Variants in BCAT1 observed in about 807,000 individuals in gnomAD.
BCAT1 encodes branched chain amino acid transaminase 1.
BCAT1 carries 48 observed loss-of-function variants against 52.4 expected under a neutral mutation model. The ratio of observed to expected loss-of-function variants is 0.92; its 90% confidence interval spans 0.73 to 1.16. The LOEUF (loss-of-function observed/expected upper bound fraction) is 1.16, where lower values mean the gene tolerates loss of function less well. BCAT1 is among the 50% of genes most tolerant of loss of function. BCAT1 has a pLI of 0.00. For synonymous variants in BCAT1, 167 were observed against 161.3 expected, an observed-to-expected ratio of 1.04 and a Z score of -0.27; for missense variants, 451 against 457.1, an observed-to-expected ratio of 0.99 and a Z score of 0.12.
At chr12:24,845,349 AC>A (rs1339694041) in intron 6 of BCAT1, among the ~76,000 whole-genome samples, 3 of 152,258 alleles carry the variant, frequency 2.0e-5, no homozygotes, top group East Asian at 1.9e-4. Context: ...TATTAAAAAA[AC>A]AATAAAATAA....
intron 8 of BCAT1, among the ~76,000 whole-genome samples, chr12:24,833,557 C>A (rs1940781504): frequency 6.6e-6 from 1 of 151,866 alleles, no homozygotes; most frequent in East Asian, 1.9e-4. Context: ...TGTCTTAAAA[C>A]CTACTTTACC....
chr12:24,875,554 A>C (rs1434918508), intron 5 of BCAT1, among the ~76,000 whole-genome samples: 1 of 152,220 alleles, frequency 6.6e-6, no homozygotes, highest in Non-Finnish European at 1.5e-5. Flanking sequence ...CAAGTACATA[A>C]GTTGATAGAG....
intron 1 of BCAT1, among the ~76,000 whole-genome samples, chr12:24,938,769 C>T (rs1943805729): frequency 1.3e-5 from 2 of 152,068 alleles, no homozygotes; most frequent in African/African-American, 2.4e-5. Context: ...CCCAATAAAG[C>T]CTTTCCTAAT....
intron 1 of BCAT1, among the ~76,000 whole-genome samples, chr12:24,937,448 A>G (rs1453179423): frequency 6.6e-6 from 1 of 152,222 alleles, no homozygotes; most frequent in Non-Finnish European, 1.5e-5. Flanking sequence ...TTTATTCAAA[A>G]CATAACAGGA....
At chr12:24,861,169 T>C (rs971754523) in intron 5 of BCAT1, among the ~76,000 whole-genome samples, 2 of 152,222 alleles carry the variant, frequency 1.3e-5, no homozygotes, top group African/African-American at 4.8e-5. Flanking sequence ...GCCATTTAGA[T>C]TGACCCTGTT....
chr12:24,868,622 G>A (rs988441653), intron 5 of BCAT1, among the ~76,000 whole-genome samples: 4 of 152,018 alleles, frequency 2.6e-5, no homozygotes, highest in African/African-American at 9.7e-5. Context: ...TATGTTACTT[G>A]ATAACAAAGT....
chr12:24,920,503 A>G (rs1332336448), intron 1 of BCAT1, among the ~76,000 whole-genome samples: 2 of 152,088 alleles, frequency 1.3e-5, no homozygotes, highest in African/African-American at 4.8e-5. Flanking sequence ...TTCTACCACT[A>G]TACTAAGAGG....
chr12:24,922,545 AG>A (rs1207355242), intron 1 of BCAT1, among the ~76,000 whole-genome samples: 1 of 152,230 alleles, frequency 6.6e-6, no homozygotes, highest in African/African-American at 2.4e-5. Flanking sequence ...GTTGATTCAC[AG>A]GACTCAATAC....
At chr12:24,827,219 A>G (rs1175247144) in intron 10 of BCAT1, among the ~76,000 whole-genome samples, 1 of 151,948 alleles carries the variant, frequency 6.6e-6, no homozygotes, top group Non-Finnish European at 1.5e-5. Flanking sequence ...TTTTTGTTCT[A>G]TTTGTGTTCT....
Position 24,817,763 on chromosome 12 carries a change from CT to C in BCAT1, c.*244del. On this transcript the variant is annotated 3_prime_UTR_variant, in exon 11 of 11. Coordinates refer to ENST00000261192, the MANE Select transcript of BCAT1 (RefSeq NM_005504.7). ...TTGAGGAAAATCCCATGTTATATGGCTTACATTAATGTTTTTCTAGGTAAGG... is the reference window on the plus strand; with the variant it reads ...TTGAGGAAAATCCCATGTTATATGGCTACATTAATGTTTTTCTAGGTAAGG... 2.0e-6 allele frequency: 1 copy of C among 488,720 alleles called. No individual in the cohort carries two copies. The highest frequency in any genetic ancestry group is 3.7e-6 in the Non-Finnish European group (1 of 272,794). The allele number at this position is 488,720 out of a possible 1,614,324, so 30.3% of individuals were successfully genotyped here.
intron 5 of BCAT1, among the ~76,000 whole-genome samples, chr12:24,871,591 G>A (rs1316911027): frequency 2.0e-5 from 3 of 152,162 alleles, no homozygotes; most frequent in Non-Finnish European, 2.9e-5. Flanking sequence ...CTAGTGGAGA[G>A]AGAGGAAATG....
chr12:24,914,848 T>C (rs1282911626), intron 1 of BCAT1, among the ~76,000 whole-genome samples: 1 of 152,160 alleles, frequency 6.6e-6, no homozygotes, highest in Non-Finnish European at 1.5e-5. Flanking sequence ...GAAACATTAG[T>C]TTGGAGACTT....
intron 5 of BCAT1, among the ~76,000 whole-genome samples, chr12:24,877,647 T>C (rs551125860): frequency 3.3e-5 from 5 of 152,272 alleles, no homozygotes; most frequent in African/African-American, 1.2e-4. Flanking sequence ...TGCCAAGTAA[T>C]CCCAAGACCT....
At chr12:24,843,330 G>A (rs996610344) in intron 6 of BCAT1, among the ~76,000 whole-genome samples, 2 of 135,152 alleles carry the variant, frequency 1.5e-5, no homozygotes, top group African/African-American at 5.4e-5. Flanking sequence ...GAGGCCAGGC[G>A]CGGTGGCTTA....
chr12:24,841,869 A>T (rs1407189334), intron 7 of BCAT1, among the ~76,000 whole-genome samples: 2 of 152,148 alleles, frequency 1.3e-5, no homozygotes, highest in African/African-American at 4.8e-5. Flanking sequence ...ATTGCACTGC[A>T]GCCTGGGTGA....
intron 1 of BCAT1, chr12:24,902,121 C>T (rs748923060): frequency 1.8e-4 from 265 of 1,461,796 alleles, no homozygotes; most frequent in Middle Eastern, 1.0e-3. Flanking sequence ...TCCTCCTCCG[C>T]CGGCTCAGGG....
intron 1 of BCAT1, among the ~76,000 whole-genome samples, chr12:24,944,554 A>T (rs1943907727): frequency 6.6e-6 from 1 of 152,234 alleles, no homozygotes; most frequent in Non-Finnish European, 1.5e-5. Flanking sequence ...ATAGAATTTG[A>T]TCTGTAATCC....
At chr12:24,865,511 C>T (rs551763976) in intron 5 of BCAT1, among the ~76,000 whole-genome samples, 1 of 152,208 alleles carries the variant, frequency 6.6e-6, no homozygotes, top group Non-Finnish European at 1.5e-5. Flanking sequence ...ATGTAATTTT[C>T]CTGCTTTATT....
chr12:24,873,163 T>C (rs984605227), intron 5 of BCAT1, among the ~76,000 whole-genome samples: 1 of 152,258 alleles, frequency 6.6e-6, no homozygotes, highest in African/African-American at 2.4e-5. Flanking sequence ...GACAGTCATA[T>C]AATTTTAGTT....
Sources: gnomAD v4.1 joint callset for allele counts (sites outside exome capture counted in the v4.1 genomes callset) on GRCh38, gnomAD v4.1.1 for gene constraint, MANE v1.5 for transcripts, NCBI Gene and HGNC (gene_info 2026-07-23, HGNC 2026-07-21) for gene names.